Variants in KIF21A observed in about 807,000 individuals in gnomAD.
KIF21A encodes kinesin family member 21A.
In KIF21A, 114 loss-of-function variants were observed where a neutral mutation model predicts 202.9. That is an observed-to-expected ratio of 0.56 (90% CI 0.48 to 0.66). KIF21A has a LOEUF of 0.66. Among genes scored for constraint, KIF21A ranks in the 30% least tolerant of loss-of-function variants. The probability of loss-of-function intolerance (pLI) is 0.00; values close to 1 mark genes in which losing one functional copy is unlikely to be tolerated. For missense variants in KIF21A, 1,677 were observed against 1,994.9 expected, an observed-to-expected ratio of 0.84 and a Z score of 3.04; for synonymous variants, 667 against 670.8, an observed-to-expected ratio of 0.99 and a Z score of 0.09.
intron 17 of KIF21A, among the ~76,000 whole-genome samples, chr12:39,334,745 G>A (rs1212752163): frequency 6.6e-6 from 1 of 152,074 alleles, no homozygotes; most frequent in Non-Finnish European, 1.5e-5. Context: ...TGTACACAAG[G>A]CAACAAATAA....
At chr12:39,353,904 T>C (rs1948585914) in intron 10 of KIF21A, among the ~76,000 whole-genome samples, 1 of 152,044 alleles carries the variant, frequency 6.6e-6, no homozygotes, top group Non-Finnish European at 1.5e-5. Context: ...ACCCACTTGG[T>C]ACTTCCTGCA....
chr12:39,301,852 T>C (rs767467614), intron 36 of KIF21A, among the ~76,000 whole-genome samples, 173 bp from the exon 37 acceptor site: 7 of 152,206 alleles, frequency 4.6e-5, no homozygotes, highest in Non-Finnish European at 1.0e-4. Flanking sequence ...AAACGGATAA[T>C]TTGCTTCCCA....
Position 39,442,902 on chromosome 12 carries a change from C to T in KIF21A, c.44+25G>A, listed in dbSNP as rs1460618772. ...CGCGCCCTCAACCCGCCGCCCGCCG[C>T]CCGCCGCCGGCAGACTGTCCTCACC... On this transcript the variant is annotated intron_variant, in intron 1 of 37. Coordinates refer to ENST00000361418, the MANE Select transcript of KIF21A (RefSeq NM_001173464.2). This position sits in a 1 kb window ranked among gnomAD's most constrained non-coding sequence, Gnocchi z 5.0. The T allele has an allele frequency of 6.6e-7, 1 of 1,523,724 alleles. No individual in the cohort carries two copies. The highest frequency in any genetic ancestry group is 8.8e-7 in the Non-Finnish European group (1 of 1,142,286). 94.4% of individuals were successfully genotyped at this position (1,523,724 alleles called of 1,614,324 possible). A position where few individuals can be genotyped will look rare whatever the true frequency, so the allele number is the denominator to read the frequency against.
At chr12:39,391,765 A>G (rs1338323920) in intron 1 of KIF21A, among the ~76,000 whole-genome samples, 3 of 151,400 alleles carry the variant, frequency 2.0e-5, no homozygotes, top group African/African-American at 7.3e-5. Flanking sequence ...GTTGAGATGG[A>G]GTCTTGCTCT....
Position 39,425,904 on chromosome 12 carries a change from T to C in KIF21A, c.44+17023A>G, listed in dbSNP as rs931856645. ...AACAAGAGCTAGCTACTCTGAAAGA[T>C]ACATCTAACAGAAGTAAGATTAGAA... On this transcript the variant is annotated intron_variant, in intron 1 of 37. Coordinates refer to ENST00000361418, the MANE Select transcript of KIF21A (RefSeq NM_001173464.2). Among the ~76,000 whole-genome samples, 18 of 115,396 alleles carry C rather than the reference T, an allele frequency of 1.6e-4. No individual in the cohort carries two copies. The South Asian group carries it at 1.6e-3, about 10-fold the overall frequency. The allele number at this position is 115,396 out of a possible 152,430, so 75.7% of individuals were successfully genotyped here.
intron 1 of KIF21A, among the ~76,000 whole-genome samples, chr12:39,437,715 G>A (rs1048410102): frequency 6.6e-6 from 1 of 152,162 alleles, no homozygotes; most frequent in Non-Finnish European, 1.5e-5. Flanking sequence ...TGTACTGCTA[G>A]ATCTAAGCTC....
intron 34 of KIF21A, among the ~76,000 whole-genome samples, chr12:39,305,428 G>T (rs559258247): frequency 1.3e-5 from 2 of 150,666 alleles, no homozygotes; most frequent in East Asian, 3.9e-4. Context: ...GCTGAAGTGC[G>T]GTGGCTATTC....
chr12:39,312,810 T>C (rs1289353657), intron 31 of KIF21A: 7 of 151,972 alleles, frequency 4.6e-5, no homozygotes, highest in Non-Finnish European at 5.9e-5. Flanking sequence ...CCCAAAGGAA[T>C]TTAAGATAGG....
intron 6 of KIF21A, among the ~76,000 whole-genome samples, chr12:39,365,875 TG>T (rs1183263358): frequency 6.6e-6 from 1 of 152,106 alleles, no homozygotes; most frequent in African/African-American, 2.4e-5. Flanking sequence ...CTGGGTGTGG[TG>T]GCACTCGCCT....
chr12:39,298,335 A>G (rs1279250911), intron 37 of KIF21A, among the ~76,000 whole-genome samples: 3 of 152,218 alleles, frequency 2.0e-5, no homozygotes, highest in Non-Finnish European at 4.4e-5. Flanking sequence ...AGGGTCCCCT[A>G]AAGTCTTTGA....
chr12:39,298,483 G>A lies in KIF21A; in HGVS notation c.4931+2997C>T, dbSNP rs1410855340. ...TTCAATTTCTGACCGGTATAGTAGA[G>A]AGATACCACTGAACACCTGGGACAT... On this transcript the variant is annotated intron_variant, in intron 37 of 37. Transcript: ENST00000361418. 2.0e-5 allele frequency among the ~76,000 whole-genome samples: 3 copies of A among 152,248 alleles called. No homozygotes were observed. The East Asian group carries it at 5.8e-4, about 29-fold the overall frequency.
intron 1 of KIF21A, among the ~76,000 whole-genome samples, chr12:39,429,271 A>C (rs1371969661): frequency 6.6e-6 from 1 of 152,232 alleles, no homozygotes; most frequent in Non-Finnish European, 1.5e-5. Context: ...ACAAAGATTA[A>C]GAAAACATTT....
chr12:39,425,989 A>G (rs1954714498), intron 1 of KIF21A, among the ~76,000 whole-genome samples: 1 of 151,820 alleles, frequency 6.6e-6, no homozygotes, highest in East Asian at 1.9e-4. Flanking sequence ...TCTATGCAAG[A>G]TTCAACAGCA....
At chr12:39,338,657 G>A (rs1299753787) in intron 16 of KIF21A, among the ~76,000 whole-genome samples, 3 of 152,042 alleles carry the variant, frequency 2.0e-5, no homozygotes, top group African/African-American at 7.2e-5. Context: ...CCAGAGCACC[G>A]CAAAAAGGTG....
rs1384411970 is a variant in KIF21A, at chr12:39,347,615, T to C, written c.1674-1111A>G. Among the ~76,000 whole-genome samples, 3 of 152,188 alleles carry C rather than the reference T, an allele frequency of 2.0e-5. No individual in the cohort carries two copies. In the East Asian group the frequency reaches 5.8e-4, roughly 29 times the overall value. On this transcript the variant is annotated intron_variant, in intron 11 of 37. Transcript: ENST00000361418. The stretch of plus-strand genomic sequence containing the variant: ...CATGTGATTCTTATTTATTGGTCTG[T>C]GATTGTTTTCACATCAACTTATATG...
rs1948960095 is a variant in KIF21A, at chr12:39,358,433, T to A, written c.1020-60A>T. ...AAAAGCACCTAAAATGCTAAAATAA[T>A]CATTTTTAAATTCCTAACATTTGAA... On this transcript the variant is annotated intron_variant, in intron 7 of 37. Coordinates refer to ENST00000361418, the MANE Select transcript of KIF21A (RefSeq NM_001173464.2). 1.2e-5 allele frequency: 18 copies of A among 1,440,076 alleles called. No homozygotes were observed. The Admixed American group carries it at 3.0e-4, about 24-fold the overall frequency. 89.2% of individuals were successfully genotyped at this position (1,440,076 alleles called of 1,614,324 possible).
intron 24 of KIF21A, among the ~76,000 whole-genome samples, chr12:39,328,990 G>T (rs1269698682): frequency 6.6e-6 from 1 of 152,104 alleles, no homozygotes; most frequent in Non-Finnish European, 1.5e-5. Flanking sequence ...CTCCTCAGTA[G>T]GGCATCAAGT....
At chr12:39,367,856 C>T (rs913191641) in intron 4 of KIF21A, 27 bp downstream of exon 4, 2 of 1,582,954 alleles carry the variant, frequency 1.3e-6, no homozygotes, top group Middle Eastern at 1.7e-4. Context: ...CAACTATGCT[C>T]TGTTTTAACT....
intron 1 of KIF21A, among the ~76,000 whole-genome samples, chr12:39,425,624 A>G (rs1205765300): frequency 6.6e-6 from 1 of 152,208 alleles, no homozygotes; most frequent in East Asian, 1.9e-4. Context: ...ACTTACTGTC[A>G]TATAATATAA....
Sources: allele counts gnomAD v4.1 joint callset (sites outside exome capture counted in the v4.1 genomes callset), GRCh38; gene constraint gnomAD v4.1.1; non-coding constraint Gnocchi (gnomAD v3.1); transcripts MANE v1.5; gene names NCBI Gene and HGNC (gene_info 2026-07-23, HGNC 2026-07-21).